MIPEP: variants seen among roughly 807,000 people sequenced by gnomAD.
MIPEP encodes the protein mitochondrial intermediate peptidase.
In MIPEP, 79 loss-of-function variants were observed where a neutral mutation model predicts 90.3. That is an observed-to-expected ratio of 0.87 (90% confidence interval 0.73 to 1.05). The LOEUF (loss-of-function observed/expected upper bound fraction) is 1.05, where lower values mean the gene tolerates loss of function less well. MIPEP is among the 50% of genes least tolerant of loss of function. MIPEP has a pLI of 0.00. For missense variants in MIPEP, 940 were observed against 905.6 expected (o/e 1.04, Z -0.49); for synonymous variants, 334 against 315.8 (o/e 1.06, Z -0.61).
In MIPEP at chr13:23,841,558, T is replaced by C. The variant is rs1869300186; in HGVS notation, c.1107-70A>G. 1.3e-5 allele frequency: 19 copies of C among 1,455,616 alleles called. No homozygotes were observed. In the South Asian group the frequency reaches 2.5e-4, roughly 19 times the overall value. 90.2% of individuals were successfully genotyped at this position (1,455,616 alleles called of 1,614,324 possible). A position where few individuals can be genotyped will look rare whatever the true frequency, so the allele number is the denominator to read the frequency against. ...ATTTCTGAAGGTAAATTCAATTAAC[T>C]TTTCATTTAATACTTAAGATCACTG... On this transcript the variant is annotated intron_variant, in intron 10 of 18. Coordinates refer to ENST00000382172, the MANE Select transcript of MIPEP (RefSeq NM_005932.4).
chr13:23,790,461 A>G (rs983255397), intron 16 of MIPEP, among the ~76,000 whole-genome samples: 1 of 152,214 alleles, frequency 6.6e-6, no homozygotes, highest in African/African-American at 2.4e-5. Context: ...CTTATTTGGG[A>G]AAAAAATGGA....
intron 3 of MIPEP, among the ~76,000 whole-genome samples, chr13:23,880,911 C>T (rs1871246841): frequency 6.6e-6 from 1 of 152,308 alleles, no homozygotes; most frequent in South Asian, 2.1e-4. Context: ...GTGTTACCCC[C>T]TTTTCCCTGT....
intron 4 of MIPEP, among the ~76,000 whole-genome samples, chr13:23,877,787 T>C (rs1204915463): frequency 6.6e-6 from 1 of 152,208 alleles, no homozygotes; most frequent in Non-Finnish European, 1.5e-5. Flanking sequence ...GGTTCTAAAA[T>C]ATAGTTCTTT....
intron 11 of MIPEP, among the ~76,000 whole-genome samples, chr13:23,840,285 G>A (rs975227988): frequency 2.0e-5 from 3 of 152,036 alleles, no homozygotes; most frequent in Non-Finnish European, 2.9e-5. Flanking sequence ...AGAGAACCCC[G>A]ATTTTGTGCT....
intron 16 of MIPEP, among the ~76,000 whole-genome samples, chr13:23,778,424 T>C (rs1952740141): frequency 1.3e-5 from 2 of 152,188 alleles, no homozygotes; most frequent in African/African-American, 2.4e-5. Flanking sequence ...TGGAAGGCTG[T>C]TGGGGGCACG....
At position 23,869,396 on chromosome 13, in the gene MIPEP, T is replaced by A. The variant is rs1593201687; in HGVS notation, c.839A>T (p.Lys280Ile). ...GCTGCTGAGCAATTCTTCTAAACAT[T>A]TCAATTGACCAGCATTGGGATAAAG... ...IFLYPNAGQLKCLEELLSSRD... is the reference protein window; with the variant it reads ...IFLYPNAGQLICLEELLSSRD... The change falls in exon 7 of 19, where the codon AAA (lysine) becomes ATA (isoleucine). Residue 280 changes from lysine (K) to isoleucine (I), a missense_variant. Physicochemically the swap from Lys to Ile is moderately radical, Grantham distance 102 (BLOSUM62 -3). Transcript: ENST00000382172. 6.2e-7 allele frequency: 1 copy of A among 1,612,834 alleles called. No homozygotes were observed. The highest frequency in any genetic ancestry group is 8.5e-7 in the Non-Finnish European group (1 of 1,179,714).
chr13:23,811,485 C>T (rs7330278), intron 14 of MIPEP, among the ~76,000 whole-genome samples: 35,883 of 151,928 alleles, frequency 0.24, 4,951 homozygotes, highest in African/African-American at 0.38. Flanking sequence ...GGGACTGAAG[C>T]CACATTCCTG....
At position 23,881,643 on chromosome 13, in the gene MIPEP, A is replaced by T. The variant is rs113985780; in HGVS notation, c.452+56T>A. On this transcript the variant is annotated intron_variant, in intron 3 of 18. Coordinates refer to ENST00000382172, the MANE Select transcript of MIPEP (RefSeq NM_005932.4). ...ACAAAACTGCCTACGGCACAAGTCC[A>T]TGAAACCGGATCACCCAGGACTTGG... 22 of 1,447,298 alleles carry T rather than the reference A, an allele frequency of 1.5e-5. No homozygotes were observed. In the Admixed American group the frequency reaches 3.7e-4, roughly 25 times the overall value. The allele number at this position is 1,447,298 out of a possible 1,614,324, so 89.7% of individuals were successfully genotyped here. A position where few individuals can be genotyped will look rare whatever the true frequency, so the allele number is the denominator to read the frequency against.
At chr13:23,842,476 A>G (rs1488855995) in intron 10 of MIPEP, 1 of 152,198 alleles carries the variant, frequency 6.6e-6, no homozygotes, top group African/African-American at 2.4e-5. Context: ...TTTTCTTTAA[A>G]CAGAATCCTA....
chr13:23,805,117 T>C (rs945248461), intron 16 of MIPEP, among the ~76,000 whole-genome samples: 3 of 152,178 alleles, frequency 2.0e-5, no homozygotes, highest in Non-Finnish European at 2.9e-5. Flanking sequence ...CTCAATAAAT[T>C]CCCTTTTCTG....
At chr13:23,870,295 GTTGAA>G (rs1371135393) in intron 5 of MIPEP, 100 bp from the exon 6 acceptor site, 1 of 637,066 alleles carries the variant, frequency 1.6e-6, no homozygotes, top group African/African-American at 1.9e-5. Context: ...CATATATATT[GTTGAA>G]TTATCACTTA....
chr13:23,799,095 C>CCAGGTT (rs1372883638), intron 16 of MIPEP, among the ~76,000 whole-genome samples: 2 of 148,552 alleles, frequency 1.3e-5, no homozygotes, highest in Non-Finnish European at 3.0e-5. Context: ...CTGCCACCTC[C>CCAGGTT]CAGGTTCAAA....
At chr13:23,887,570 G>A (rs1290742349) in intron 1 of MIPEP, among the ~76,000 whole-genome samples, 2 of 152,084 alleles carry the variant, frequency 1.3e-5, no homozygotes, top group Non-Finnish European at 2.9e-5. Flanking sequence ...CTTCTCTCCT[G>A]AAAAGGTGAG....
rs145688357 is a variant in MIPEP at position 23,806,403 on chromosome 13, C to T, written c.1729-334G>A. 2.3e-3 allele frequency among the ~76,000 whole-genome samples: 352 copies of T among 152,186 alleles called. 1 individual carries two copies. The highest frequency in any genetic ancestry group is 8.0e-3 in the African/African-American group (332 of 41,546). The stretch of plus-strand genomic sequence containing the variant: ...AAATATATGTAGACGGAAGGCCAGG[C>T]GCGGTGGCTCACGCCTGTAATCCCA... On this transcript the variant is annotated intron_variant, in intron 15 of 18. Transcript: ENST00000382172.
intron 18 of MIPEP, among the ~76,000 whole-genome samples, chr13:23,745,625 A>G (rs1335094840): frequency 3.3e-5 from 5 of 152,076 alleles, no homozygotes; most frequent in Admixed American, 3.3e-4. Flanking sequence ...GTCACGCAGG[A>G]AAGTTAAGAA....
chr13:23,780,163 G>A (rs1050397195), intron 16 of MIPEP, among the ~76,000 whole-genome samples: 2 of 152,210 alleles, frequency 1.3e-5, no homozygotes, highest in Non-Finnish European at 2.9e-5. Context: ...CTCCTCAAGT[G>A]GGTCCCTGAC....
At chr13:23,842,466 T>C (rs1248621435) in intron 10 of MIPEP, 1 of 152,220 alleles carries the variant, frequency 6.6e-6, no homozygotes, top group Non-Finnish European at 1.5e-5. Flanking sequence ...TCTGACTGAT[T>C]TTTCTTTAAA....
intron 2 of MIPEP, among the ~76,000 whole-genome samples, chr13:23,882,176 TCTC>T (rs1871299171): frequency 6.6e-6 from 1 of 151,722 alleles, no homozygotes; most frequent in South Asian, 2.1e-4. Flanking sequence ...TTCACGCCAT[TCTC>T]CTGTCTCAGC....
intron 14 of MIPEP, among the ~76,000 whole-genome samples, chr13:23,822,680 A>G (rs1380835195): frequency 1.3e-5 from 2 of 152,152 alleles, no homozygotes; most frequent in Non-Finnish European, 2.9e-5. Context: ...CATTTATTCT[A>G]TTGTTTGTTA....
Sources: gnomAD v4.1 joint callset for allele counts (sites outside exome capture counted in the v4.1 genomes callset) on GRCh38, gnomAD v4.1.1 for gene constraint, MANE v1.5 for transcripts, NCBI Gene and HGNC (gene_info 2026-07-23, HGNC 2026-07-21) for gene names.